Variants in STPG2 observed in about 807,000 individuals in gnomAD.
The protein encoded by STPG2 is sperm tail PG-rich repeat containing 2.
A neutral mutation model predicts 54.2 loss-of-function variants in STPG2; 56 were observed. The observed-to-expected ratio is 1.03, with a 90% CI of 0.83 to 1.29. The LOEUF is 1.29. STPG2 is among the 50% of genes most tolerant of loss of function. STPG2 has a pLI of 0.00. For missense variants in STPG2, 596 were observed against 544.9 expected, an observed-to-expected ratio of 1.09 and a Z score of -0.93; for synonymous variants, 200 against 181.8, an observed-to-expected ratio of 1.10 and a Z score of -0.81.
At chr4:97,949,300 A>C (rs1233116235) in intron 7 of STPG2, among the ~76,000 whole-genome samples, 1 of 152,090 alleles carries the variant, frequency 6.6e-6, no homozygotes. Flanking sequence ...CCTTGAGTTT[A>C]TATAAATCCC....
At chr4:97,602,555 G>A (rs1019026254) in intron 10 of STPG2, among the ~76,000 whole-genome samples, 1 of 151,658 alleles carries the variant, frequency 6.6e-6, no homozygotes, top group African/African-American at 2.4e-5. Context: ...TTTACTCTAT[G>A]TTTTTGGATA....
chr4:97,927,565 T>C (rs1000904505), intron 8 of STPG2, among the ~76,000 whole-genome samples: 3 of 152,240 alleles, frequency 2.0e-5, no homozygotes, highest in African/African-American at 7.2e-5. Flanking sequence ...TTATATACCT[T>C]ATAATAACAT....
chr4:97,801,133 G>A (rs985629083), intron 9 of STPG2, among the ~76,000 whole-genome samples: 14 of 152,280 alleles, frequency 9.2e-5, no homozygotes, highest in Non-Finnish European at 5.9e-5. Flanking sequence ...TGCTTCCCGG[G>A]TGAGGCAATG....
At chr4:98,067,841 T>C (rs961452175) in intron 5 of STPG2, among the ~76,000 whole-genome samples, 3 of 152,164 alleles carry the variant, frequency 2.0e-5, no homozygotes, top group Non-Finnish European at 4.4e-5. Flanking sequence ...TTATTGGTTA[T>C]TATAAAAAAG....
intron 5 of STPG2, among the ~76,000 whole-genome samples, chr4:98,006,565 T>C (rs1369805511): frequency 2.0e-5 from 3 of 152,110 alleles, no homozygotes; most frequent in Admixed American, 6.6e-5. Flanking sequence ...AGGCTGGAGA[T>C]TGGAGTGTTG....
At position 98,074,228 on chromosome 4, in the gene STPG2, G is replaced by A. The variant is rs138812273; in HGVS notation, c.612+31725C>T. Among the ~76,000 whole-genome samples the A allele has an allele frequency of 8.1e-4, 124 of 152,198 alleles. 1 individual carries two copies. Among genetic ancestry groups the A allele is most frequent in the Admixed American group, 1.6e-3 (24 of 15,272 alleles). On this transcript the variant is annotated intron_variant, in intron 5 of 10. Coordinates refer to ENST00000295268, the MANE Select transcript of STPG2 (RefSeq NM_174952.3). ...ATCTCTGGGTATAAAATGATAAGCT[G>A]GTTTCATCGCTTTAATAATATTCCA...
At chr4:97,777,451 T>A (rs1726415996) in intron 9 of STPG2, among the ~76,000 whole-genome samples, 1 of 152,202 alleles carries the variant, frequency 6.6e-6, no homozygotes, top group Admixed American at 6.5e-5. Flanking sequence ...CCAATTCCTA[T>A]CAGGAATCTC....
At chr4:98,025,851 G>C (rs1736402520) in intron 5 of STPG2, 1 of 1,597,706 alleles carries the variant, frequency 6.3e-7, no homozygotes. Context: ...ACTACCACTG[G>C]CAATAAAGTT....
intron 4 of STPG2, among the ~76,000 whole-genome samples, chr4:97,553,169 A>G (rs942585976): frequency 3.3e-5 from 5 of 152,218 alleles, no homozygotes; most frequent in African/African-American, 1.2e-4. Context: ...GTTAATAGCA[A>G]GGATCTGGGA....
chr4:98,021,889 T>C (rs1270600299), intron 5 of STPG2, among the ~76,000 whole-genome samples: 1 of 151,964 alleles, frequency 6.6e-6, no homozygotes, highest in Non-Finnish European at 1.5e-5. Context: ...CCTCCATCCC[T>C]TTATTCTGAG....
intron 5 of STPG2, among the ~76,000 whole-genome samples, chr4:98,104,688 C>T (rs1197426554): frequency 6.6e-6 from 1 of 152,176 alleles, no homozygotes; most frequent in Non-Finnish European, 1.5e-5. Context: ...AGTCACATTA[C>T]ATTTAATAAT....
At chr4:97,475,970 T>G (rs1005907990) in intron 4 of STPG2, among the ~76,000 whole-genome samples, 1 of 152,310 alleles carries the variant, frequency 6.6e-6, no homozygotes, top group East Asian at 1.9e-4. Context: ...CTTGTTTATA[T>G]GTTTATTTTT....
At chr4:97,559,179 T>C (rs1732158334) in intron 10 of STPG2, 62 bp from the exon 11 acceptor site, 1 of 1,072,214 alleles carries the variant, frequency 9.3e-7, no homozygotes, top group Non-Finnish European at 1.4e-6. Flanking sequence ...AAAAATAATA[T>C]TCATTATTTA....
chr4:97,693,564 G>C (rs1418400599), intron 10 of STPG2, among the ~76,000 whole-genome samples: 1 of 152,092 alleles, frequency 6.6e-6, no homozygotes, highest in East Asian at 1.9e-4. Context: ...AAATGAGATA[G>C]ACGGCAATAC....
At chr4:97,908,945 G>C (rs1408404213) in intron 8 of STPG2, among the ~76,000 whole-genome samples, 1 of 151,058 alleles carries the variant, frequency 6.6e-6, no homozygotes, top group African/African-American at 2.4e-5. Flanking sequence ...CAGCGCACCA[G>C]CATGGCACAT....
Position 97,525,477 on chromosome 4 carries a change from G to A in STPG2, c.462+187222C>T, listed in dbSNP as rs981281458. On this transcript the variant is annotated intron_variant, in intron 4 of 4. Transcript: ENST00000522676. ...ACCAAAGGCTATTGTAATCTAAAAA[G>A]GGCTTCAAAACTCTTCAAAAAAACC... Among the ~76,000 whole-genome samples the A allele has an allele frequency of 4.0e-5, 6 of 151,820 alleles. No homozygotes were observed. The East Asian group carries it at 9.7e-4, about 25-fold the overall frequency.
intron 9 of STPG2, among the ~76,000 whole-genome samples, chr4:97,749,166 T>C (rs1226783132): frequency 1.3e-5 from 2 of 151,684 alleles, no homozygotes; most frequent in African/African-American, 2.4e-5. Flanking sequence ...TGGAAAAAAC[T>C]CAAGAATCCT....
intron 10 of STPG2, among the ~76,000 whole-genome samples, chr4:97,626,985 T>A (rs188026599): frequency 5.3e-5 from 8 of 152,232 alleles, no homozygotes; most frequent in Admixed American, 3.9e-4. Flanking sequence ...ATACCAGTTG[T>A]TGACTTATTC....
chr4:97,878,191 T>A (rs991725719), intron 8 of STPG2, among the ~76,000 whole-genome samples: 2 of 152,100 alleles, frequency 1.3e-5, no homozygotes, highest in African/African-American at 2.4e-5. Flanking sequence ...GTGCTTTCAC[T>A]GCTGGCATTG....
Sources: allele counts gnomAD v4.1 joint callset (sites outside exome capture counted in the v4.1 genomes callset), GRCh38; gene constraint gnomAD v4.1.1; transcripts MANE v1.5; gene names NCBI Gene and HGNC (gene_info 2026-07-23, HGNC 2026-07-21).